POLR2E: variants seen among roughly 807,000 people sequenced by gnomAD.
The protein encoded by POLR2E is RNA polymerase II, I and III subunit E, also known as DNA-directed RNA polymerases I, II, and III subunit RPABC1.
Under a neutral mutation model 29.8 loss-of-function variants are expected in POLR2E, and 35 were observed. The observed-to-expected ratio is 1.17, with a 90% confidence interval of 0.90 to 1.55. The LOEUF is 1.55. Among genes scored for constraint, POLR2E ranks in the 40% most tolerant of loss-of-function variants. The probability of loss-of-function intolerance (pLI) is 0.00; values close to 1 mark genes in which losing one functional copy is unlikely to be tolerated. For missense variants in POLR2E, 287 were observed against 288.6 expected (o/e 0.99, Z 0.04); for synonymous variants, 174 against 112.6 (o/e 1.55, Z -3.45).
chr19:1,094,043 G>A lies in POLR2E; in HGVS notation c.93C>T (p.Asp31=), dbSNP rs754136230. ...ACTCCTCCAGGGTCTGGTCAAGCTCGTCCTGGGTCACCAGATAGCCACGGT... is the reference window on the plus strand; with the variant it reads ...ACTCCTCCAGGGTCTGGTCAAGCTCATCCTGGGTCACCAGATAGCCACGGT... ...CHDRGYLVTQ[D]ELDQTLEEFK... is the part of the protein sequence containing the mutation. The change falls in exon 2 of 8, where the codon GAC becomes GAT. Residue 31 remains aspartate (D), a synonymous_variant. Coordinates refer to ENST00000615234, the MANE Select transcript of POLR2E (RefSeq NM_002695.5). 7.3e-5 allele frequency: 118 copies of A among 1,613,220 alleles called. 1 individual carries two copies. The highest frequency in any genetic ancestry group is 4.2e-4 in the South Asian group (38 of 91,042).
At position 1,091,817 on chromosome 19, in the gene POLR2E, T is replaced by G. The variant is rs774004270; in HGVS notation, c.323A>C (p.Gln108Pro). The G allele has an allele frequency of 4.8e-5, 77 of 1,611,494 alleles. No homozygotes were observed. The highest frequency in any genetic ancestry group is 6.3e-5 in the Non-Finnish European group (74 of 1,179,384). Residue 108 changes from glutamine (Q) to proline (P), a missense_variant, in exon 3 of 8, where the codon CAG becomes CCG. Physicochemically the swap from Gln to Pro is moderately conservative, Grantham distance 76 (BLOSUM62 -1). Coordinates refer to ENST00000615234, the MANE Select transcript of POLR2E (RefSeq NM_002695.5). ...NITRALIVVQ[Q>P]GMTPSAKQSL... Reference sequence around the variant, plus strand: ...CTGCTTGGCGGAGGGTGTCATGCCCTGCTGCACCACGATGAGAGCCCGTGT... The same window carrying G: ...CTGCTTGGCGGAGGGTGTCATGCCCGGCTGCACCACGATGAGAGCCCGTGT...
At chr19:1,090,830 C>A (rs2043813078) in intron 4 of POLR2E, 78 bp downstream of exon 4, 14 of 1,269,596 alleles carry the variant, frequency 1.1e-5, no homozygotes, top group African/African-American at 1.5e-5. Flanking sequence ...GGCCCCAGAT[C>A]CCACATCTTC....
In POLR2E at chr19:1,090,940, G is replaced by A; in HGVS notation, c.397C>T (p.Gln133Ter). The A allele has an allele frequency of 1.9e-6, 3 of 1,613,638 alleles. No homozygotes were observed. Among genetic ancestry groups the A allele is most frequent in the East Asian group, 2.2e-5 (1 of 44,888 alleles). Residue 133 changes from glutamine to a stop codon, truncating the protein, a stop_gained, in exon 4 of 8, where the codon CAG becomes TAG. Coordinates refer to ENST00000615234, the MANE Select transcript of POLR2E (RefSeq NM_002695.5). LOFTEE classifies it high-confidence loss of function. ...TCCGTGATGTTGATGAGCAGCTCCT[G>A]CTGCAGAAACTGCTCCAGGATGTAC... ...PKYILEQFLQQELLINITEHE... is the reference protein window; with the variant it reads ...PKYILEQFLQ
chr19:1,091,639 G>A (rs978810174), intron 3 of POLR2E, 153 bp downstream of exon 3: 10 of 620,958 alleles, frequency 1.6e-5, no homozygotes, highest in Non-Finnish European at 2.6e-5. Flanking sequence ...GGAGGGAGGC[G>A]GTCGGGGCTT....
At chr19:1,090,460 A>ATT (rs58876047) in intron 4 of POLR2E, among the ~76,000 whole-genome samples, 1,144 of 90,404 alleles carry the variant, frequency 0.013, 61 homozygotes, top group African/African-American at 0.02. Flanking sequence ...CGGGATCTGC[A>ATT]TTTTTTTTTT....
Position 1,088,631 on chromosome 19 carries a change from C to CAGCCGTGAG in POLR2E, c.*95_*103dup, listed in dbSNP as rs2043761859. The CAGCCGTGAG allele has an allele frequency of 6.6e-6, 1 of 152,608 alleles. No individual in the cohort carries two copies. Among genetic ancestry groups the CAGCCGTGAG allele is most frequent in the African/African-American group, 2.4e-5 (1 of 41,450 alleles). The allele number at this position is 152,608 out of a possible 1,614,324, so 9.5% of individuals were successfully genotyped here. On this transcript the variant is annotated 3_prime_UTR_variant, in exon 8 of 8. Coordinates refer to ENST00000615234, the MANE Select transcript of POLR2E (RefSeq NM_002695.5). ...TGCCTTGGGGAGTCCAGAGGAGCAGCAGCCGTGAGAGCTGTGGGGGCCGGA... is the reference window on the plus strand; with the variant it reads ...TGCCTTGGGGAGTCCAGAGGAGCAGCAGCCGTGAGAGCCGTGAGAGCTGTGGGGGCCGGA...
At chr19:1,093,752 C>G (rs767153472) in intron 2 of POLR2E, 152 bp downstream of exon 2, 1 of 1,412,618 alleles carries the variant, frequency 7.1e-7, no homozygotes, top group Admixed American at 3.1e-5. Context: ...ACGGCATCAC[C>G]CACAGCAAGG....
Position 1,091,001 on chromosome 19 carries a change from G to A in POLR2E, c.349-13C>T, listed in dbSNP as rs537672972. On this transcript the variant is annotated splice_polypyrimidine_tract_variant and intron_variant, in intron 3 of 7. Transcript: ENST00000615234. The stretch of plus-strand genomic sequence containing the variant: ...TGTCGACCAGGGACTGGAAGAGAGC[G>A]GCTCTAAGGCACGGCCCGGAGGGGC... 3.8e-5 allele frequency: 62 copies of A among 1,612,802 alleles called. No homozygotes were observed. The highest frequency in any genetic ancestry group is 1.8e-4 in the East Asian group (8 of 44,874).
chr19:1,095,223 C>G (rs2043915424), intron 1 of POLR2E, 36 bp downstream of exon 1: 1 of 1,608,018 alleles, frequency 6.2e-7, no homozygotes, highest in Non-Finnish European at 8.5e-7. Context: ...ACACCCGCCG[C>G]CCGCGCCCCC....
In POLR2E at chr19:1,090,920, G is replaced by A; in HGVS notation, c.417C>T (p.Ile139=). 1 of 1,613,258 alleles carries A rather than the reference G, an allele frequency of 6.2e-7. No individual in the cohort carries two copies. The stretch of plus-strand genomic sequence containing the variant: ...GGCGCGCGCCCACCTCGTGCTCCGT[G>A]ATGTTGATGAGCAGCTCCTGCTGCA... ...QFLQQELLIN[I]TEHELVPEHV... Residue 139 remains isoleucine, a synonymous_variant, in exon 4 of 8, where the codon ATC becomes ATT. Coordinates refer to ENST00000615234, the MANE Select transcript of POLR2E (RefSeq NM_002695.5).
rs778192379 is a variant in POLR2E at position 1,093,959 on chromosome 19, G to C, written c.177C>G (p.Thr59=). The change falls in exon 2 of 8, where the codon ACC becomes ACG. Residue 59 remains threonine, a synonymous_variant. Coordinates refer to ENST00000615234, the MANE Select transcript of POLR2E (RefSeq NM_002695.5). The part of the protein sequence containing the change: ...SEGRPRRTDL[T]VLVAHNDDPT... ...GGTCATCGTTGTGGGCCACCAGCACGGTGAGGTCCGTGCGCCGCGGCCGCC... is the reference window on the plus strand; with the variant it reads ...GGTCATCGTTGTGGGCCACCAGCACCGTGAGGTCCGTGCGCCGCGGCCGCC... The C allele has an allele frequency of 6.2e-7, 1 of 1,613,310 alleles. No individual in the cohort carries two copies. The highest frequency in any genetic ancestry group is 2.2e-5 in the East Asian group (1 of 44,850).
At position 1,090,972 on chromosome 19, in the gene POLR2E, G is replaced by A. The variant is rs2043815821; in HGVS notation, c.365C>T (p.Ala122Val). 6.2e-7 allele frequency: 1 copy of A among 1,613,554 alleles called. No homozygotes were observed. The highest frequency in any genetic ancestry group is 1.3e-5 in the African/African-American group (1 of 75,076). Residue 122 changes from alanine (A) to valine (V), a missense_variant, in exon 4 of 8, where the codon GCC (alanine) becomes GTC (valine). Transcript: ENST00000615234. Reference protein sequence around the residue: ...PSAKQSLVDMAPKYILEQFLQ... With the variant: ...PSAKQSLVDMVPKYILEQFLQ... The stretch of plus-strand genomic sequence containing the variant: ...AAACTGCTCCAGGATGTACTTGGGG[G>A]CCATGTCGACCAGGGACTGGAAGAG...
chr19:1,091,067 G>C (rs1380969160), intron 3 of POLR2E, 79 bp from the exon 4 acceptor site: 9 of 1,251,514 alleles, frequency 7.2e-6, no homozygotes, highest in Middle Eastern at 3.8e-4. Flanking sequence ...AAGCTACCTG[G>C]GGCTTACTCG....
intron 2 of POLR2E, 122 bp from the exon 3 acceptor site, chr19:1,092,029 C>T (rs2043843899): frequency 1.6e-5 from 11 of 673,630 alleles, no homozygotes; most frequent in East Asian, 1.1e-4. Flanking sequence ...GCTCGGGCCT[C>T]GGCTTCCGCG....
At position 1,087,691 on chromosome 19, in the gene POLR2E, G is replaced by A. The variant is rs1261567876; in HGVS notation, c.*1044C>T. 7.4e-6 allele frequency: 1 copy of A among 134,912 alleles called. No individual in the cohort carries two copies. The highest frequency in any genetic ancestry group is 1.8e-5 in the Non-Finnish European group (1 of 57,138). The allele number at this position is 134,912 out of a possible 1,614,324, so 8.4% of individuals were successfully genotyped here. ...ATTTTGAAAAAAGTACATTTGGAGA[G>A]AAGGGGAAGCACTGTCCCCATCACA... is the stretch of plus-strand genomic sequence containing the variant. On this transcript the variant is annotated 3_prime_UTR_variant, in exon 8 of 8. Coordinates refer to ENST00000615234, the MANE Select transcript of POLR2E (RefSeq NM_002695.5).
intron 6 of POLR2E, 157 bp downstream of exon 6, chr19:1,089,727 G>A (rs1169715636): frequency 1.3e-6 from 1 of 789,254 alleles, no homozygotes; most frequent in Admixed American, 2.3e-5. Flanking sequence ...GGGCCCAGTG[G>A]CCCTGGCTTT....
At chr19:1,092,034 T>C in intron 2 of POLR2E, 127 bp from the exon 3 acceptor site, 1 of 661,712 alleles carries the variant, frequency 1.5e-6, no homozygotes, top group Non-Finnish European at 2.7e-6. Context: ...GGCCTCGGCT[T>C]CCGCGTTTGC....
At chr19:1,093,775 G>T (rs947245709) in intron 2 of POLR2E, 129 bp downstream of exon 2, 8 of 1,417,504 alleles carry the variant, frequency 5.6e-6, no homozygotes, top group Non-Finnish European at 7.4e-6. Flanking sequence ...GGGGAGGGGA[G>T]TTTTCCTCCC....
At chr19:1,089,572 G>C (rs1350733962) in intron 6 of POLR2E, 21 bp from the exon 7 acceptor site, 1 of 1,606,576 alleles carries the variant, frequency 6.2e-7, no homozygotes, top group Non-Finnish European at 8.5e-7. Context: ...AGAGAGCAGG[G>C]GCTGCGAATG....
Sources: allele counts gnomAD v4.1 joint callset (sites outside exome capture counted in the v4.1 genomes callset), GRCh38; gene constraint gnomAD v4.1.1; transcripts MANE v1.5; gene names NCBI Gene and HGNC (gene_info 2026-07-23, HGNC 2026-07-21).